The following CCDC25 variants were observed in gnomAD, a reference collection of about 807,000 sequenced individuals.
The protein encoded by CCDC25 is coiled-coil domain-containing protein 25.
A neutral mutation model predicts 35.3 loss-of-function variants in CCDC25; 16 were observed. That is an observed-to-expected ratio of 0.45 (90% confidence interval 0.31 to 0.69). The LOEUF (loss-of-function observed/expected upper bound fraction) is 0.69, where lower values mean the gene tolerates loss of function less well. Among genes scored for constraint, CCDC25 ranks in the 30% least tolerant of loss-of-function variants. CCDC25 has a pLI of 0.06. For synonymous variants in CCDC25, 79 were observed against 80.3 expected, an observed-to-expected ratio of 0.98 and a Z score of 0.09; for missense variants, 179 against 250.7, an observed-to-expected ratio of 0.71 and a Z score of 1.93.
chr8:27,762,575 A>C, intron 2 of CCDC25, 117 bp from the exon 3 acceptor site: 5 of 817,568 alleles, frequency 6.1e-6, no homozygotes, highest in Middle Eastern at 2.2e-4. Flanking sequence ...CCCTCAATGA[A>C]GAAGAGTAAT....
chr8:27,771,785 G>C (rs1804627712), intron 1 of CCDC25, among the ~76,000 whole-genome samples: 1 of 152,160 alleles, frequency 6.6e-6, no homozygotes, highest in African/African-American at 2.4e-5. Context: ...ATCAGGAAAG[G>C]CATCTTGGAA....
intron 7 of CCDC25, 40 bp from the exon 8 acceptor site, chr8:27,740,557 TG>T: frequency 6.4e-7 from 1 of 1,560,594 alleles, no homozygotes; most frequent in Non-Finnish European, 8.8e-7. Flanking sequence ...TAAAATATGG[TG>T]ATCCAGTCAA....
At chr8:27,767,743 T>A (rs1804447199) in intron 1 of CCDC25, among the ~76,000 whole-genome samples, 1 of 152,202 alleles carries the variant, frequency 6.6e-6, no homozygotes, top group African/African-American at 2.4e-5. Context: ...CTAATTTTGA[T>A]GATGAAAAAC....
At position 27,762,422 on chromosome 8, in the gene CCDC25, A is replaced by AT; in HGVS notation, c.112dup (p.Ile38AsnfsTer19). On this transcript the variant is annotated frameshift_variant, in exon 3 of 9. Transcript: ENST00000356537. LOFTEE classifies it high-confidence loss of function. ...CAGAACCAAAATTGTTACTTACCAGATATCTTCAGGCCAGCCATGCTTGAT... is the reference window on the plus strand; with the variant it reads ...CAGAACCAAAATTGTTACTTACCAGATTATCTTCAGGCCAGCCATGCTTGAT... The AT allele has an allele frequency of 6.2e-7, 1 of 1,613,336 alleles. No individual in the cohort carries two copies. The highest frequency in any genetic ancestry group is 1.1e-5 in the South Asian group (1 of 90,970).
chr8:27,767,221 C>T (rs1804431080), intron 1 of CCDC25, among the ~76,000 whole-genome samples: 1 of 152,122 alleles, frequency 6.6e-6, no homozygotes, highest in Admixed American at 6.6e-5. Context: ...CAAAAATTAG[C>T]CAGGTGTGGT....
rs1293328304 is a variant in CCDC25, at chr8:27,748,717, C to A, written c.245-119G>T. 14 of 712,740 alleles carry A rather than the reference C, an allele frequency of 2.0e-5. No homozygotes were observed. The East Asian group carries it at 3.5e-4, about 18-fold the overall frequency. 44.2% of individuals were successfully genotyped at this position (712,740 alleles called of 1,614,324 possible). On this transcript the variant is annotated intron_variant, in intron 5 of 8. Coordinates refer to ENST00000356537, the MANE Select transcript of CCDC25 (RefSeq NM_018246.3). ...AAACGGCTTAGAACGAACAGGCCAC[C>A]CCTTGTTTTAAACCACCAATACTTT...
At chr8:27,736,302 A>C in intron 8 of CCDC25, 57 bp from the exon 9 acceptor site, 1 of 1,382,360 alleles carries the variant, frequency 7.2e-7, no homozygotes, top group Non-Finnish European at 1.0e-6. Flanking sequence ...CAATATTTAA[A>C]ATTTACAATT....
chr8:27,759,830 T>C (rs1804162689), intron 3 of CCDC25, among the ~76,000 whole-genome samples: 1 of 149,244 alleles, frequency 6.7e-6, no homozygotes, highest in Admixed American at 6.7e-5. Flanking sequence ...CACTGATTCC[T>C]AGGAAAACCC....
chr8:27,755,353 T>A (rs147730837), intron 4 of CCDC25, among the ~76,000 whole-genome samples: 1 of 152,190 alleles, frequency 6.6e-6, no homozygotes, highest in African/African-American at 2.4e-5. Context: ...TGCAACAATA[T>A]CAGAGTAAAA....
chr8:27,757,443 C>G (rs747891601), intron 3 of CCDC25, among the ~76,000 whole-genome samples: 1 of 152,164 alleles, frequency 6.6e-6, no homozygotes, highest in African/African-American at 2.4e-5. Context: ...TATATTCTGA[C>G]AGTGATACCA....
rs1803115753 is a variant in CCDC25 at position 27,733,742 on chromosome 8, G to A, written c.*2474C>T. 2 of 152,144 alleles carry A rather than the reference G, an allele frequency of 1.3e-5. No homozygotes were observed. Among genetic ancestry groups the A allele is most frequent in the South Asian group, 2.1e-4 (1 of 4,820 alleles). The allele number at this position is 152,144 out of a possible 1,614,324, so 9.4% of individuals were successfully genotyped here. ...GTACCTCAAATCAAAGAAAAAGCAC[G>A]CGTCAATATCACGCGTAGGAAAAAC... On this transcript the variant is annotated 3_prime_UTR_variant, in exon 9 of 9. Transcript: ENST00000356537.
chr8:27,755,744 C>A (rs145853517), intron 4 of CCDC25, among the ~76,000 whole-genome samples: 1 of 152,316 alleles, frequency 6.6e-6, no homozygotes, highest in African/African-American at 2.4e-5. Context: ...GATATTCTCC[C>A]CCTAAACCCA....
At chr8:27,765,163 C>T in intron 2 of CCDC25, 41 bp downstream of exon 2, 1 of 1,482,650 alleles carries the variant, frequency 6.7e-7, no homozygotes, top group Non-Finnish European at 9.1e-7. Context: ...ATAACACTTA[C>T]CTGCTGAAAA....
chr8:27,753,185 G>A (rs948575887), intron 4 of CCDC25, among the ~76,000 whole-genome samples: 43 of 152,260 alleles, frequency 2.8e-4, no homozygotes, highest in African/African-American at 1.0e-3. Context: ...GTGAGGTGAT[G>A]CCCCTTTTAC....
chr8:27,750,283 G>A (rs1803752321), intron 5 of CCDC25, among the ~76,000 whole-genome samples: 1 of 152,180 alleles, frequency 6.6e-6, no homozygotes, highest in South Asian at 2.1e-4. Flanking sequence ...TGAGCCAAAT[G>A]GGTTGACATC....
At chr8:27,767,022 C>T (rs1343535730) in intron 1 of CCDC25, among the ~76,000 whole-genome samples, 1 of 152,046 alleles carries the variant, frequency 6.6e-6, no homozygotes, top group Non-Finnish European at 1.5e-5. Context: ...CCTTGGTTAG[C>T]CTGCTATAAA....
chr8:27,764,457 T>C, intron 2 of CCDC25: 1 of 386,138 alleles, frequency 2.6e-6, no homozygotes, highest in Non-Finnish European at 5.1e-6. Context: ...ATTGTTGTTT[T>C]TTGTAGAGAC....
intron 6 of CCDC25, 47 bp downstream of exon 6, chr8:27,748,448 C>T (rs1174013596): frequency 2.9e-6 from 4 of 1,397,030 alleles, no homozygotes; most frequent in Non-Finnish European, 3.0e-6. Flanking sequence ...TAGGATACTC[C>T]ATTCAGTATC....
chr8:27,736,627 AAT>A (rs1171280880), intron 8 of CCDC25, among the ~76,000 whole-genome samples: 2 of 152,242 alleles, frequency 1.3e-5, no homozygotes, highest in Admixed American at 6.5e-5. Flanking sequence ...CAATTCTGCC[AAT>A]ATGCAAACTG....
Sources: gnomAD v4.1 joint callset for allele counts (sites outside exome capture counted in the v4.1 genomes callset) on GRCh38, gnomAD v4.1.1 for gene constraint, MANE v1.5 for transcripts, NCBI Gene and HGNC (gene_info 2026-07-23, HGNC 2026-07-21) for gene names.